ACSM2B: variants seen among roughly 807,000 people sequenced by gnomAD.
The protein encoded by ACSM2B is acyl-coenzyme A synthetase ACSM2B, mitochondrial.
In ACSM2B, 58 loss-of-function variants were observed where a neutral mutation model predicts 78.6. The ratio of observed to expected loss-of-function variants is 0.74; its 90% CI spans 0.60 to 0.92. The LOEUF (loss-of-function observed/expected upper bound fraction) is 0.92. Ranked by LOEUF, ACSM2B falls within the 40% of genes least tolerant of loss-of-function variation. The probability of loss-of-function intolerance (pLI) is 0.00; values close to 1 mark genes in which losing one functional copy is unlikely to be tolerated. For synonymous variants in ACSM2B, 257 were observed against 256.8 expected (o/e 1.00, Z -0.01); for missense variants, 688 against 711.2 (o/e 0.97, Z 0.37).
rs1212416112 is a variant in ACSM2B, at chr16:20,536,441, C to G, written c.*817G>C. ...TATTTATAATGTGTCTGGGTCAGTGCCTGGCACATGGCAAATGCTTAATAA... is the reference window on the plus strand; with the variant it reads ...TATTTATAATGTGTCTGGGTCAGTGGCTGGCACATGGCAAATGCTTAATAA... On this transcript the variant is annotated 3_prime_UTR_variant, in exon 14 of 14. Coordinates refer to ENST00000329697, the MANE Select transcript of ACSM2B (RefSeq NM_001105069.2). 1 of 152,102 alleles carries G rather than the reference C, an allele frequency of 6.6e-6. No homozygotes were observed. The highest frequency in any genetic ancestry group is 2.4e-5 in the African/African-American group (1 of 41,416). The allele number at this position is 152,102 out of a possible 1,614,324, so 9.4% of individuals were successfully genotyped here. A position where few individuals can be genotyped will look rare whatever the true frequency, so the allele number is the denominator to read the frequency against.
chr16:20,542,624 G>C (rs1465518319), intron 12 of ACSM2B: 2 of 393,260 alleles, frequency 5.1e-6, no homozygotes, highest in South Asian at 4.6e-5. Context: ...CCAGTAGTGG[G>C]ATTGCTGGAT....
At chr16:20,537,936 CTA>C (rs2014888679) in intron 13 of ACSM2B, among the ~76,000 whole-genome samples, 1 of 152,074 alleles carries the variant, frequency 6.6e-6, no homozygotes, top group Non-Finnish European at 1.5e-5. Flanking sequence ...TCAATGTACC[CTA>C]AGCAAAATTA....
intron 4 of ACSM2B, among the ~76,000 whole-genome samples, chr16:20,554,655 C>T (rs914294950): frequency 5.3e-5 from 8 of 152,156 alleles, no homozygotes; most frequent in African/African-American, 1.9e-4. Context: ...CATGGAAAGG[C>T]CTCTGACCTT....
chr16:20,553,417 G>A (rs2015376679), intron 5 of ACSM2B, among the ~76,000 whole-genome samples: 2 of 152,162 alleles, frequency 1.3e-5, no homozygotes, highest in South Asian at 4.2e-4. Context: ...ATTTGCTGCC[G>A]ACAAAAACTG....
intron 2 of ACSM2B, among the ~76,000 whole-genome samples, chr16:20,563,246 G>A (rs1384691277): frequency 6.6e-6 from 1 of 152,120 alleles, no homozygotes; most frequent in Non-Finnish European, 1.5e-5. Context: ...TTATTATGAG[G>A]GAGGGTGAGA....
chr16:20,556,955 G>C (rs1408769470), intron 3 of ACSM2B, among the ~76,000 whole-genome samples: 1 of 151,926 alleles, frequency 6.6e-6, no homozygotes. Flanking sequence ...CTAATTCCTG[G>C]CTGCATTCAT....
intron 1 of ACSM2B, among the ~76,000 whole-genome samples, chr16:20,567,872 T>G (rs1158445074): frequency 7.0e-6 from 1 of 142,794 alleles, no homozygotes; most frequent in African/African-American, 2.5e-5. Flanking sequence ...TATATAGATA[T>G]ATACTATACT....
chr16:20,564,584 C>T (rs2015761811), intron 2 of ACSM2B, 85 bp downstream of exon 2: 2 of 1,488,852 alleles, frequency 1.3e-6, no homozygotes, highest in Middle Eastern at 1.8e-4. Flanking sequence ...GTAATAAGTA[C>T]TTAACAAATA....
intron 6 of ACSM2B, 91 bp downstream of exon 6, chr16:20,552,053 A>T (rs1351278586): frequency 3.9e-6 from 6 of 1,521,740 alleles, no homozygotes; most frequent in Non-Finnish European, 5.3e-6. Context: ...TTTAGCAAAA[A>T]TTAGATGAAT....
At position 20,545,178 on chromosome 16, in the gene ACSM2B, T is replaced by A. The variant is rs762176893; in HGVS notation, c.1260A>T (p.Ile420=). 2 of 1,613,730 alleles carry A rather than the reference T, an allele frequency of 1.2e-6. No homozygotes were observed. Among genetic ancestry groups the A allele is most frequent in the South Asian group, 2.2e-5 (2 of 90,988 alleles). The change falls in exon 10 of 14, where the codon ATA becomes ATT. Residue 420 remains isoleucine, a synonymous_variant. Coordinates refer to ENST00000329697, the MANE Select transcript of ACSM2B (RefSeq NM_001105069.2). ...TCACCACATAGCCAGAGAAGATGCC[T>A]ATAGGCCTGATGGGTTTGACCCTGA... ...IGIRVKPIRP[I]GIFSGYVENP... is the part of the protein sequence containing the mutation.
chr16:20,566,725 C>CTATATATACTG lies in ACSM2B; in HGVS notation c.-8-1873_-8-1872insCAGTATATATA, dbSNP rs1567218549. On this transcript the variant is annotated intron_variant, in intron 1 of 13. Coordinates refer to ENST00000329697, the MANE Select transcript of ACSM2B (RefSeq NM_001105069.2). ...ATATATATAGTATATATAGTATATA[C>CTATATATACTG]TATATATAGTATATACTATATATAC... is the stretch of plus-strand genomic sequence containing the variant. Among the ~76,000 whole-genome samples the CTATATATACTG allele has an allele frequency of 2.7e-4, 6 of 22,206 alleles. No homozygotes were observed. The East Asian group carries it at 0.018, about 67-fold the overall frequency. 14.6% of individuals were successfully genotyped at this position (22,206 alleles called of 152,430 possible).
chr16:20,567,561 T>A (rs1256983396), intron 1 of ACSM2B, among the ~76,000 whole-genome samples: 1 of 132,308 alleles, frequency 7.6e-6, no homozygotes, highest in Non-Finnish European at 1.6e-5. Flanking sequence ...ATAAATTATA[T>A]AAATTATATA....
chr16:20,537,432 T>G, intron 13 of ACSM2B, 70 bp from the exon 14 acceptor site: 1 of 1,561,680 alleles, frequency 6.4e-7, no homozygotes, highest in Admixed American at 1.7e-5. Flanking sequence ...TCAGAACTGC[T>G]GTAGGGTGAG....
intron 6 of ACSM2B, among the ~76,000 whole-genome samples, chr16:20,551,136 T>G (rs2015297706): frequency 2.6e-5 from 4 of 152,160 alleles, no homozygotes; most frequent in Admixed American, 1.3e-4. Context: ...CAAGAAGAGA[T>G]AAAATTAATC....
intron 6 of ACSM2B, 105 bp downstream of exon 6, chr16:20,552,039 G>T (rs1272704602): frequency 6.6e-7 from 1 of 1,516,254 alleles, no homozygotes; most frequent in Non-Finnish European, 8.8e-7. Context: ...CCACATGGCA[G>T]AGGTTTAGCA....
chr16:20,537,675 T>A (rs1396521953), intron 13 of ACSM2B, among the ~76,000 whole-genome samples: 1 of 152,200 alleles, frequency 6.6e-6, no homozygotes, highest in Non-Finnish European at 1.5e-5. Flanking sequence ...CTGCCAATCA[T>A]CTGGCTTTCG....
rs2015048206 is a variant in ACSM2B, at chr16:20,543,223, A to G, written c.1321T>C (p.Phe441Leu). 6.2e-7 allele frequency: 1 copy of G among 1,613,728 alleles called. No homozygotes were observed. The highest frequency in any genetic ancestry group is 8.5e-7 in the Non-Finnish European group (1 of 1,179,882). Residue 441 changes from phenylalanine (F) to leucine (L), a missense_variant, in exon 11 of 14, where the codon TTT becomes CTT. By Grantham distance (22) the Phe-to-Leu change is conservative. Transcript: ENST00000329697. ...DKTAANIRGD[F>L]WLLGDRGIKD... The stretch of plus-strand genomic sequence containing the variant: ...ATTCCCCGGTCTCCAAGGAGCCAAA[A>G]GTCTCCTCGAATGTTGGCTGCTGTC...
chr16:20,558,449 A>G (rs1473127402), intron 3 of ACSM2B, among the ~76,000 whole-genome samples: 1 of 151,294 alleles, frequency 6.6e-6, no homozygotes, highest in East Asian at 2.0e-4. Context: ...TGTCTATGCA[A>G]TTATTAAACT....
chr16:20,576,162 C>T (rs1418819185), intron 1 of ACSM2B, 45 bp downstream of exon 1: 1 of 151,218 alleles, frequency 6.6e-6, no homozygotes, highest in Non-Finnish European at 1.5e-5. Flanking sequence ...GTGAGGTTAT[C>T]ATGGATTATG....
Sources: allele counts gnomAD v4.1 joint callset (sites outside exome capture counted in the v4.1 genomes callset), GRCh38; gene constraint gnomAD v4.1.1; transcripts MANE v1.5; gene names NCBI Gene and HGNC (gene_info 2026-07-23, HGNC 2026-07-21).